Variants in DENND2A observed in about 807,000 individuals in gnomAD.
DENND2A encodes the protein DENN domain-containing protein 2A.
A neutral mutation model predicts 105.3 loss-of-function variants in DENND2A; 53 were observed. The ratio of observed to expected loss-of-function variants is 0.50; its 90% CI spans 0.40 to 0.63. The LOEUF (loss-of-function observed/expected upper bound fraction) is 0.63. Ranked by LOEUF, DENND2A falls within the 30% of genes least tolerant of loss-of-function variation. DENND2A has a pLI of 0.00. For missense variants in DENND2A, 1,138 were observed against 1,279.6 expected (o/e 0.89, Z 1.69); for synonymous variants, 522 against 508.4 (o/e 1.03, Z -0.36).
chr7:140,601,476 G>C lies in DENND2A; in HGVS notation c.922C>G (p.Pro308Ala). The change falls in exon 3 of 20, where the codon CCC (proline) becomes GCC (alanine). Residue 308 changes from proline (P) to alanine (A), a missense_variant. Pro to Ala is a conservative substitution (Grantham distance 27, BLOSUM62 -1). Coordinates refer to ENST00000496613, the MANE Select transcript of DENND2A (RefSeq NM_015689.5). ...ACAGAGGAAGGTGGGGGAGAGGAGGGCAGAGGCGGGGGAGGTAGAGAGGGC... is the reference window on the plus strand; with the variant it reads ...ACAGAGGAAGGTGGGGGAGAGGAGGCCAGAGGCGGGGGAGGTAGAGAGGGC... ...PLPSLPPPPL[P>A]SSPPPSSVNR... 1 of 1,614,004 alleles carries C rather than the reference G, an allele frequency of 6.2e-7. No homozygotes were observed. Among genetic ancestry groups the C allele is most frequent in the Non-Finnish European group, 8.5e-7 (1 of 1,179,950 alleles).
intron 1 of DENND2A, among the ~76,000 whole-genome samples, chr7:140,611,529 C>T (rs548255304): frequency 9.5e-4 from 145 of 152,200 alleles, no homozygotes; most frequent in African/African-American, 3.3e-3. Flanking sequence ...CAGAGCGAGA[C>T]CCTGTCTCAA....
chr7:140,518,548 G>T lies in DENND2A; in HGVS notation c.*159C>A, dbSNP rs932100639. The T allele has an allele frequency of 1.5e-6, 1 of 646,048 alleles. No individual in the cohort carries two copies. The highest frequency in any genetic ancestry group is 2.6e-6 in the Non-Finnish European group (1 of 389,736). The allele number at this position is 646,048 out of a possible 1,614,324, so 40.0% of individuals were successfully genotyped here. A position where few individuals can be genotyped will look rare whatever the true frequency, so the allele number is the denominator to read the frequency against. On this transcript the variant is annotated 3_prime_UTR_variant, in exon 20 of 20. Coordinates refer to ENST00000496613, the MANE Select transcript of DENND2A (RefSeq NM_015689.5). The stretch of plus-strand genomic sequence containing the variant: ...GGCTGTCCTCCCAGGCGGCTCCCAG[G>T]TCCTCATCCAGGGAAGAGCCCAGCC...
Position 140,601,560 on chromosome 7 carries a change from C to T in DENND2A, c.838G>A (p.Asp280Asn), listed in dbSNP as rs1243937603. ...RRTFKHAGEG[D>N]KDGKPGIGFR... ...CCGATGCCAGGCTTCCCATCTTTGTCCCCTTCTCCGGCATGTTTGAACGTT... is the reference window on the plus strand; with the variant it reads ...CCGATGCCAGGCTTCCCATCTTTGTTCCCTTCTCCGGCATGTTTGAACGTT... The change falls in exon 3 of 20, where the codon GAC (aspartate) becomes AAC (asparagine). Residue 280 changes from aspartate (D) to asparagine (N), a missense_variant. Coordinates refer to ENST00000496613, the MANE Select transcript of DENND2A (RefSeq NM_015689.5). 6.2e-7 allele frequency: 1 copy of T among 1,614,166 alleles called. No individual in the cohort carries two copies. Among genetic ancestry groups the T allele is most frequent in the Non-Finnish European group, 8.5e-7 (1 of 1,180,018 alleles).
At chr7:140,633,089 C>T (rs1339223099) in intron 1 of DENND2A, among the ~76,000 whole-genome samples, 2 of 149,792 alleles carry the variant, frequency 1.3e-5, no homozygotes, top group Non-Finnish European at 3.0e-5. Context: ...AGTGCAGTGG[C>T]GCAATCTCGG....
In DENND2A at chr7:140,521,847, C is replaced by A; in HGVS notation, c.2911+8G>T. The A allele has an allele frequency of 1.2e-6, 2 of 1,613,396 alleles. No individual in the cohort carries two copies. Among genetic ancestry groups the A allele is most frequent in the Non-Finnish European group, 1.7e-6 (2 of 1,179,698 alleles). On this transcript the variant is annotated splice_region_variant and intron_variant, in intron 18 of 19. Transcript: ENST00000496613. ...TGACTCGGCCCCAACAGAGAAGATG[C>A]CCCTCACCTTTGGCATCCTGCCGGC...
chr7:140,598,535 T>C (rs939306575), intron 3 of DENND2A, among the ~76,000 whole-genome samples: 6 of 152,214 alleles, frequency 3.9e-5, no homozygotes, highest in African/African-American at 1.4e-4. Flanking sequence ...GTAGACAATA[T>C]GGTTATATTC....
chr7:140,571,722 G>A lies in DENND2A; in HGVS notation c.1447-1984C>T, dbSNP rs1798103660. On this transcript the variant is annotated intron_variant, in intron 6 of 19. Transcript: ENST00000496613. The stretch of plus-strand genomic sequence containing the variant: ...TGGAATACCATTTAGTCTTAAAAAA[G>A]AAGAAAATGCTGACACATGCTTAAA... Among the ~76,000 whole-genome samples the A allele has an allele frequency of 3.3e-5, 5 of 152,228 alleles. No homozygotes were observed. The South Asian group carries it at 1.0e-3, about 32-fold the overall frequency.
intron 1 of DENND2A, among the ~76,000 whole-genome samples, chr7:140,615,986 T>C (rs1800071655): frequency 6.6e-6 from 1 of 152,192 alleles, no homozygotes; most frequent in Non-Finnish European, 1.5e-5. Flanking sequence ...ACAACATGGA[T>C]GAACCCTGAA....
intron 5 of DENND2A, among the ~76,000 whole-genome samples, chr7:140,577,090 T>G (rs1210693816): frequency 6.6e-6 from 1 of 152,208 alleles, no homozygotes; most frequent in Non-Finnish European, 1.5e-5. Flanking sequence ...GATCCTGATG[T>G]GTTCCAGGGC....
At chr7:140,593,441 T>C (rs1385525922) in intron 3 of DENND2A, among the ~76,000 whole-genome samples, 2 of 152,256 alleles carry the variant, frequency 1.3e-5, no homozygotes, top group Non-Finnish European at 2.9e-5. Context: ...ACCTATGTAA[T>C]AGCCAAATTT....
In DENND2A at chr7:140,602,001, G is replaced by C. The variant is rs780382412; in HGVS notation, c.397C>G (p.Arg133Gly). ...CGGCCCCAGCTAGGATCCACTTCCC[G>C]TTCTGGCTGGCTTAGGTCTTGCCCC... ...EPGQDLSQPE[R>G]EVDPSWGRGR... is the part of the protein sequence containing the mutation. Residue 133 changes from arginine to glycine, a missense_variant, in exon 3 of 20, where the codon CGG becomes GGG. Around this residue, in one of 2 missense-constraint regions of DENND2A, gnomAD observed 511 missense variants for 499.9 expected, o/e 1.02. Transcript: ENST00000496613. 2 of 1,614,184 alleles carry C rather than the reference G, an allele frequency of 1.2e-6. No homozygotes were observed. The highest frequency in any genetic ancestry group is 2.7e-5 in the African/African-American group (2 of 75,044).
intron 16 of DENND2A, among the ~76,000 whole-genome samples, chr7:140,524,224 A>G (rs6948786): frequency 0.45 from 68,901 of 152,014 alleles, 16,015 homozygotes; most frequent in African/African-American, 0.51. Context: ...CTTTTCAGCA[A>G]TGTGGCAACA....
rs1341357797 is a variant in DENND2A at position 140,518,741 on chromosome 7, A to T, written c.2999-3T>A. 5 of 1,603,248 alleles carry T rather than the reference A, an allele frequency of 3.1e-6. No homozygotes were observed. Among genetic ancestry groups the T allele is most frequent in the Non-Finnish European group, 4.3e-6 (5 of 1,171,170 alleles). On this transcript the variant is annotated splice_polypyrimidine_tract_variant and splice_region_variant and intron_variant, in intron 19 of 19. Coordinates refer to ENST00000496613, the MANE Select transcript of DENND2A (RefSeq NM_015689.5). ...GTGGAGAAATTTCATTTTATTGCCT[A>T]AAAAAAAGGAAAATGAGAACATTTC...
At chr7:140,633,824 T>C (rs1020597522) in intron 1 of DENND2A, among the ~76,000 whole-genome samples, 8 of 152,078 alleles carry the variant, frequency 5.3e-5, no homozygotes, top group African/African-American at 1.9e-4. Context: ...TGGAGTGCAG[T>C]GGTGTGATCT....
intron 3 of DENND2A, among the ~76,000 whole-genome samples, chr7:140,599,937 C>T (rs904127906): frequency 3.3e-5 from 5 of 151,872 alleles, no homozygotes; most frequent in African/African-American, 4.8e-5. Context: ...GAATGTTCTA[C>T]GGATGGGAAG....
intron 14 of DENND2A, among the ~76,000 whole-genome samples, chr7:140,534,077 G>C (rs1226402209): frequency 1.4e-5 from 1 of 72,276 alleles, no homozygotes; most frequent in African/African-American, 5.3e-5. Context: ...CCAATGCCTG[G>C]TTAATTTTTT....
chr7:140,591,174 A>G (rs927974315), intron 3 of DENND2A, among the ~76,000 whole-genome samples: 1 of 149,836 alleles, frequency 6.7e-6, no homozygotes, highest in Non-Finnish European at 1.5e-5. Context: ...GGGCACACCT[A>G]TAGCCCCAGT....
chr7:140,539,686 ACGCAGGTCAGACCCTCAGAAGG>A (rs1370925628), intron 14 of DENND2A, among the ~76,000 whole-genome samples: 4 of 152,198 alleles, frequency 2.6e-5, no homozygotes, highest in African/African-American at 9.6e-5. Context: ...GCATGAAATG[ACGCAGGTCAGACCCTCAGAAGG>A]CGCCCGGCAC....
chr7:140,533,237 C>A (rs192650914), intron 14 of DENND2A, among the ~76,000 whole-genome samples: 63 of 152,234 alleles, frequency 4.1e-4, no homozygotes, highest in African/African-American at 1.4e-3. Context: ...ATGATCCACC[C>A]GATTCAGCCT....
Sources: gnomAD v4.1 joint callset for allele counts (sites outside exome capture counted in the v4.1 genomes callset) on GRCh38, gnomAD v4.1.1 for gene constraint, gnomAD v4.1.1 regional missense constraint, MANE v1.5 for transcripts, NCBI Gene and HGNC (gene_info 2026-07-23, HGNC 2026-07-21) for gene names.